The following SOX5 variants were observed in gnomAD, a reference collection of about 807,000 sequenced individuals.
The protein encoded by SOX5 is SRY-box transcription factor 5.
In SOX5, 9 loss-of-function variants were observed where a neutral mutation model predicts 92.0. That is an observed-to-expected ratio of 0.10 (90% CI 0.06 to 0.17). The LOEUF is 0.17. Among genes scored for constraint, SOX5 ranks in the 10% least tolerant of loss-of-function variants. SOX5 has a pLI of 1.00. For synonymous variants in SOX5, 344 were observed against 336.3 expected, an observed-to-expected ratio of 1.02 and a Z score of -0.25; for missense variants, 642 against 944.5, an observed-to-expected ratio of 0.68 and a Z score of 4.20.
At chr12:24,148,427 G>A (rs1359337301) in intron 4 of SOX5, among the ~76,000 whole-genome samples, 4 of 147,076 alleles carry the variant, frequency 2.7e-5, no homozygotes, top group South Asian at 2.2e-4. Context: ...CCCAGGAGGC[G>A]GAGGTTGAAG....
At position 24,097,614 on chromosome 12, in the gene SOX5, T is replaced by C. The variant is rs184049021; in HGVS notation, c.-2+115729A>G. ...GAATAGCCATTTGTCCCAACATTAC[T>C]TTTACTTTTGGAGAAATTTAATCAG... On this transcript the variant is annotated intron_variant, in intron 4 of 4. Coordinates refer to the SOX5 transcript ENST00000446891. Among the ~76,000 whole-genome samples the C allele has an allele frequency of 9.9e-5, 15 of 152,084 alleles. No individual in the cohort carries two copies. In the East Asian group the frequency reaches 2.7e-3, roughly 27 times the overall value.
chr12:24,241,120 AT>A (rs369038373), intron 3 of SOX5, among the ~76,000 whole-genome samples: 321 of 152,264 alleles, frequency 2.1e-3, no homozygotes, highest in African/African-American at 7.2e-3. Flanking sequence ...CTTCTCAAGA[AT>A]TTAAGGTTCA....
chr12:24,439,988 C>T (rs1285612230), intron 1 of SOX5, among the ~76,000 whole-genome samples: 1 of 152,190 alleles, frequency 6.6e-6, no homozygotes, highest in Admixed American at 6.5e-5. Context: ...ATACTACCTG[C>T]TCAATAAATG....
chr12:24,099,175 C>T (rs1945781065), intron 4 of SOX5, among the ~76,000 whole-genome samples: 1 of 152,128 alleles, frequency 6.6e-6, no homozygotes, highest in African/African-American at 2.4e-5. Context: ...AATAATCCAC[C>T]TTCCAGTTGT....
chr12:23,989,339 C>G (rs1209132476), intron 4 of SOX5, among the ~76,000 whole-genome samples: 1 of 151,792 alleles, frequency 6.6e-6, no homozygotes, highest in African/African-American at 2.4e-5. Flanking sequence ...TTGCAGTGAG[C>G]TGAGATTGTG....
chr12:24,063,411 C>G, intron 4 of SOX5, among the ~76,000 whole-genome samples: 1 of 152,182 alleles, frequency 6.6e-6, no homozygotes, highest in East Asian at 1.9e-4. Flanking sequence ...TACATAGATT[C>G]AGCAGAGTCT....
At chr12:24,069,131 T>C (rs1023601811) in intron 4 of SOX5, among the ~76,000 whole-genome samples, 2 of 152,160 alleles carry the variant, frequency 1.3e-5, no homozygotes, top group African/African-American at 4.8e-5. Flanking sequence ...TAGACAAAGT[T>C]TTCCTGGAGA....
intron 6 of SOX5, among the ~76,000 whole-genome samples, chr12:23,694,048 A>G (rs1411002443): frequency 6.6e-6 from 1 of 152,164 alleles, no homozygotes; most frequent in Non-Finnish European, 1.5e-5. Flanking sequence ...TGAGGTATGC[A>G]ATTTTAGGCT....
intron 4 of SOX5, among the ~76,000 whole-genome samples, chr12:24,060,338 A>T (rs1939423829): frequency 6.6e-6 from 1 of 152,184 alleles, no homozygotes; most frequent in East Asian, 1.9e-4. Flanking sequence ...GGAGCCAGGA[A>T]TTGCACCTAT....
rs907241020 is a variant in SOX5, at chr12:24,137,211, T to C, written c.-2+76132A>G. On this transcript the variant is annotated intron_variant, in intron 4 of 4. Coordinates refer to the SOX5 transcript ENST00000446891. ...ATTACTGACAATTATGGACGGCATA[T>C]GTGGTCTAATAAAGCAAAATAATGA... Among the ~76,000 whole-genome samples, 8 of 152,158 alleles carry C rather than the reference T, an allele frequency of 5.3e-5. No individual in the cohort carries two copies. In the East Asian group the frequency reaches 1.3e-3, roughly 26 times the overall value.
chr12:24,370,476 C>CAAA (rs57192965), intron 1 of SOX5, among the ~76,000 whole-genome samples: 10 of 79,726 alleles, frequency 1.3e-4, no homozygotes, highest in Non-Finnish European at 1.8e-4. Flanking sequence ...GACTCCGTCT[C>CAAA]AAAAAAAAAA....
At chr12:24,315,432 T>A (rs1184775067) in intron 2 of SOX5, among the ~76,000 whole-genome samples, 1 of 152,178 alleles carries the variant, frequency 6.6e-6, no homozygotes, top group Non-Finnish European at 1.5e-5. Flanking sequence ...ATACAGAAAC[T>A]TCATTCAATG....
At chr12:23,914,019 C>A (rs1442499786) in intron 1 of SOX5, among the ~76,000 whole-genome samples, 1 of 152,134 alleles carries the variant, frequency 6.6e-6, no homozygotes, top group East Asian at 1.9e-4. Flanking sequence ...CAGTTTGTCA[C>A]AGGAAACTTC....
intron 4 of SOX5, among the ~76,000 whole-genome samples, chr12:24,050,813 T>C (rs1042962742): frequency 2.0e-5 from 3 of 152,166 alleles, no homozygotes; most frequent in Admixed American, 6.5e-5. Flanking sequence ...AAGTATATAG[T>C]TGTTCAATAA....
At chr12:23,722,359 G>T (rs1448172542) in intron 6 of SOX5, among the ~76,000 whole-genome samples, 1 of 152,168 alleles carries the variant, frequency 6.6e-6, no homozygotes, top group Non-Finnish European at 1.5e-5. Context: ...GAAGGGAAGA[G>T]GGGGAGGTGA....
chr12:24,232,423 C>G (rs1280387331), intron 3 of SOX5, among the ~76,000 whole-genome samples: 3 of 152,136 alleles, frequency 2.0e-5, no homozygotes, highest in African/African-American at 4.8e-5. Flanking sequence ...AGAACAATTT[C>G]TTGACACAAA....
chr12:23,539,506 C>T (rs1362450222), intron 13 of SOX5, among the ~76,000 whole-genome samples: 2 of 151,256 alleles, frequency 1.3e-5, no homozygotes, highest in East Asian at 3.9e-4. Context: ...TCCCGTGGGG[C>T]TCACAAAGAG....
At chr12:23,804,913 TTTTATATATATATATATATA>T (rs1445197436) in intron 3 of SOX5, among the ~76,000 whole-genome samples, 53 of 109,334 alleles carry the variant, frequency 4.8e-4, no homozygotes, top group African/African-American at 1.8e-3. Flanking sequence ...CCTATCATTG[TTTTATATATATATATATATA>T]TATATATATA....
chr12:24,132,651 G>T (rs1410426198), intron 4 of SOX5, among the ~76,000 whole-genome samples: 1 of 151,394 alleles, frequency 6.6e-6, no homozygotes, highest in African/African-American at 2.4e-5. Context: ...TTCTTAAAGA[G>T]AATTTTTAAA....
Sources: allele counts gnomAD v4.1 joint callset (sites outside exome capture counted in the v4.1 genomes callset), GRCh38; gene constraint gnomAD v4.1.1; transcripts MANE v1.5; gene names NCBI Gene and HGNC (gene_info 2026-07-23, HGNC 2026-07-21).